Variants in RHOA observed in about 807,000 individuals in gnomAD.
The protein encoded by RHOA is transforming protein RhoA.
RHOA carries 3 observed loss-of-function variants against 17.5 expected under a neutral mutation model. That is an observed-to-expected ratio of 0.17 (90% confidence interval 0.08 to 0.44). The LOEUF is 0.44. Among genes scored for constraint, RHOA ranks in the 20% least tolerant of loss-of-function variants. RHOA has a pLI of 0.99. For synonymous variants in RHOA, 98 were observed against 88.4 expected (o/e 1.11, Z -0.61); for missense variants, 56 against 242.3 (o/e 0.23, Z 5.10).
At chr3:49,388,705 C>A (rs1319860225) in intron 1 of RHOA, among the ~76,000 whole-genome samples, 1 of 152,166 alleles carries the variant, frequency 6.6e-6, no homozygotes, top group African/African-American at 2.4e-5. Flanking sequence ...GTTCAATGGG[C>A]CAGCCCACTA....
rs2107829960 is a variant in RHOA, at chr3:49,362,524, G to C, written c.380C>G (p.Thr127Arg). The change falls in exon 4 of 5, where the codon ACA becomes AGA. Residue 127 changes from threonine (T) to arginine (R), a missense_variant. By Grantham distance (71) the Thr-to-Arg change is moderately conservative. Transcript: ENST00000418115. The part of the protein sequence containing the change: ...NKKDLRNDEH[T>R]RRELAKMKQE... ...CTTCATCTTGGCTAGCTCCCGCCTT[G>C]TGTGCTCATCATTCCGAAGATCCTT... 1 of 1,613,262 alleles carries C rather than the reference G, an allele frequency of 6.2e-7. No homozygotes were observed.
At chr3:49,369,507 C>A (rs1457278307) in intron 2 of RHOA, among the ~76,000 whole-genome samples, 2 of 150,996 alleles carry the variant, frequency 1.3e-5, no homozygotes, top group East Asian at 3.9e-4. Flanking sequence ...CTGAGGCGGG[C>A]TGACTGCCTG....
At chr3:49,371,281 G>GT (rs34744152) in intron 2 of RHOA, among the ~76,000 whole-genome samples, 2,421 of 138,556 alleles carry the variant, frequency 0.017, 44 homozygotes, top group African/African-American at 0.044. Flanking sequence ...ATTGCCTACT[G>GT]TTTTTTTTTT....
chr3:49,360,958 A>C (rs778641980), intron 4 of RHOA: 16 of 352,830 alleles, frequency 4.5e-5, no homozygotes, highest in South Asian at 2.9e-4. Flanking sequence ...CTGTAACCCC[A>C]GCTACTCAGG....
At chr3:49,368,019 C>A (rs1393925903) in intron 3 of RHOA, among the ~76,000 whole-genome samples, 1 of 152,090 alleles carries the variant, frequency 6.6e-6, no homozygotes, top group Non-Finnish European at 1.5e-5. Context: ...AAACGATTCT[C>A]CTGCCTCAGC....
chr3:49,395,705 T>G (rs2048603999), intron 1 of RHOA, among the ~76,000 whole-genome samples: 1 of 151,618 alleles, frequency 6.6e-6, no homozygotes, highest in South Asian at 2.1e-4. Context: ...AGAGCGAGAC[T>G]CTGTCTCCAA....
chr3:49,359,999 T>C lies in RHOA; in HGVS notation c.*210A>G. The C allele has an allele frequency of 3.8e-6, 2 of 522,136 alleles. No homozygotes were observed. Among genetic ancestry groups the C allele is most frequent in the Non-Finnish European group, 6.7e-6 (2 of 299,792 alleles). 32.3% of individuals were successfully genotyped at this position (522,136 alleles called of 1,614,324 possible). On this transcript the variant is annotated 3_prime_UTR_variant, in exon 5 of 5. Transcript: ENST00000418115. Reference sequence around the variant, plus strand: ...AGGTGGGAGTGCAGAGGAGGGCTGTTAGAGCAGTGTCAAAAGGACCCTGGT... The same window carrying C: ...AGGTGGGAGTGCAGAGGAGGGCTGTCAGAGCAGTGTCAAAAGGACCCTGGT...
chr3:49,367,647 G>A (rs2048080894), intron 3 of RHOA, among the ~76,000 whole-genome samples: 1 of 150,322 alleles, frequency 6.7e-6, no homozygotes, highest in Admixed American at 6.7e-5. Flanking sequence ...TCAGCCCCTG[G>A]AATAGCTGGG....
chr3:49,380,674 A>T (rs1285718114), intron 1 of RHOA, among the ~76,000 whole-genome samples: 1 of 137,540 alleles, frequency 7.3e-6, no homozygotes, highest in Non-Finnish European at 1.5e-5. Flanking sequence ...CTTGTCTCAA[A>T]AATAATAATA....
chr3:49,367,134 A>C (rs2048068560), intron 3 of RHOA: 1 of 152,026 alleles, frequency 6.6e-6, no homozygotes, highest in Non-Finnish European at 1.5e-5. Flanking sequence ...CGAGGTCAGG[A>C]GATCAAGATC....
intron 3 of RHOA, among the ~76,000 whole-genome samples, chr3:49,365,861 G>A (rs1167321653): frequency 2.0e-5 from 3 of 152,106 alleles, no homozygotes; most frequent in Non-Finnish European, 4.4e-5. Flanking sequence ...GAAGTGCTGG[G>A]ATTACAGGCG....
intron 1 of RHOA, among the ~76,000 whole-genome samples, chr3:49,400,962 C>T (rs1255512949): frequency 7.4e-6 from 1 of 135,108 alleles, no homozygotes; most frequent in African/African-American, 2.7e-5. Context: ...AGGAGAATGG[C>T]GTGAACCCGG....
At chr3:49,378,017 T>C (rs2164459) in intron 1 of RHOA, among the ~76,000 whole-genome samples, 151,007 of 151,170 alleles carry the variant, frequency 1, 75,422 homozygotes, top group Middle Eastern at 1. Flanking sequence ...GGTGTGGTGG[T>C]GGGCACCTGT....
Position 49,393,131 on chromosome 3 carries a change from G to A in RHOA, c.-2-17540C>T, listed in dbSNP as rs184089763. Among the ~76,000 whole-genome samples the A allele has an allele frequency of 1.8e-4, 27 of 152,160 alleles. No homozygotes were observed. In the East Asian group the frequency reaches 4.8e-3, roughly 27 times the overall value. The stretch of plus-strand genomic sequence containing the variant: ...GCGGAGGCTGCAGTGAGCCAAGATC[G>A]CGCCACTCCAGCCTCGGCAACAGAG... On this transcript the variant is annotated intron_variant, in intron 1 of 4. Coordinates refer to ENST00000418115, the MANE Select transcript of RHOA (RefSeq NM_001664.4).
intron 2 of RHOA, among the ~76,000 whole-genome samples, chr3:49,370,026 T>C (rs1304026493): frequency 6.6e-6 from 1 of 150,812 alleles, no homozygotes; most frequent in East Asian, 2.0e-4. Context: ...GAGGTTGCAA[T>C]GAGCTGAGAT....
chr3:49,388,795 T>A (rs983007148), intron 1 of RHOA, among the ~76,000 whole-genome samples: 6 of 152,194 alleles, frequency 3.9e-5, no homozygotes, highest in Non-Finnish European at 8.8e-5. Context: ...TCTCACACTT[T>A]GAAATCTTTG....
chr3:49,394,196 G>C (rs759253655), intron 1 of RHOA, among the ~76,000 whole-genome samples: 3 of 151,726 alleles, frequency 2.0e-5, no homozygotes, highest in Non-Finnish European at 2.9e-5. Flanking sequence ...AGTAGAGACA[G>C]GGATTCACCA....
intron 2 of RHOA, among the ~76,000 whole-genome samples, chr3:49,371,972 A>G (rs2048153539): frequency 6.6e-6 from 1 of 152,240 alleles, no homozygotes. Context: ...ACATGCAGCA[A>G]TTAACAGCCA....
chr3:49,401,041 C>CAAAAAAAAAAAAAAAAAAAAAA (rs57354041), intron 1 of RHOA, among the ~76,000 whole-genome samples: 11 of 67,584 alleles, frequency 1.6e-4, no homozygotes, highest in Admixed American at 2.2e-4. Flanking sequence ...GACTCCGTCT[C>CAAAAAAAAAAAAAAAAAAAAAA]AAAAAAAAAA....
Sources: allele counts gnomAD v4.1 joint callset (sites outside exome capture counted in the v4.1 genomes callset), GRCh38; gene constraint gnomAD v4.1.1; transcripts MANE v1.5; gene names NCBI Gene and HGNC (gene_info 2026-07-23, HGNC 2026-07-21).